Variants in KDM4C observed in about 807,000 individuals in gnomAD.
KDM4C encodes the protein lysine-specific demethylase 4C.
KDM4C carries 81 observed loss-of-function variants against 129.3 expected under a neutral mutation model. The observed-to-expected ratio is 0.63, with a 90% CI of 0.52 to 0.75. The LOEUF (loss-of-function observed/expected upper bound fraction) is 0.75. Ranked by LOEUF, KDM4C falls within the 30% of genes least tolerant of loss-of-function variation. KDM4C has a pLI of 0.00. For missense variants in KDM4C, 1,457 were observed against 1,304.0 expected, an observed-to-expected ratio of 1.12 and a Z score of -1.81; for synonymous variants, 573 against 456.1, an observed-to-expected ratio of 1.26 and a Z score of -3.26.
chr9:6,929,787 A>G (rs1228678400), intron 8 of KDM4C, among the ~76,000 whole-genome samples: 1 of 152,178 alleles, frequency 6.6e-6, no homozygotes, highest in East Asian at 1.9e-4. Flanking sequence ...AAAATAGAAT[A>G]TTAAAAAGTT....
chr9:7,088,409 A>AT (rs1377658656), intron 17 of KDM4C, among the ~76,000 whole-genome samples: 2 of 152,140 alleles, frequency 1.3e-5, no homozygotes, highest in Non-Finnish European at 2.9e-5. Flanking sequence ...TCTTTATTAC[A>AT]TTTTTCTATA....
At chr9:6,957,888 T>G (rs2131573901) in intron 8 of KDM4C, among the ~76,000 whole-genome samples, 2 of 152,110 alleles carry the variant, frequency 1.3e-5, no homozygotes, top group South Asian at 4.2e-4. Context: ...ACAATTCGAG[T>G]ACATATATTT....
At chr9:6,815,209 A>G (rs1831863419) in intron 4 of KDM4C, 1 of 152,012 alleles carries the variant, frequency 6.6e-6, no homozygotes, top group Non-Finnish European at 1.5e-5. Flanking sequence ...TATTTTTAAA[A>G]AGTACATGTT....
At chr9:7,106,964 C>A (rs1260757867) in intron 18 of KDM4C, among the ~76,000 whole-genome samples, 1 of 151,966 alleles carries the variant, frequency 6.6e-6, no homozygotes. Flanking sequence ...GGTAAAACTT[C>A]CTAAAGATGG....
At chr9:6,800,743 C>T (rs1828792389) in intron 2 of KDM4C, among the ~76,000 whole-genome samples, 1 of 152,100 alleles carries the variant, frequency 6.6e-6, no homozygotes, top group South Asian at 2.1e-4. Context: ...CGCCCCACCT[C>T]AGCCTCCCGA....
chr9:7,151,169 A>G (rs1842692781), intron 19 of KDM4C, among the ~76,000 whole-genome samples: 1 of 152,118 alleles, frequency 6.6e-6, no homozygotes, highest in Non-Finnish European at 1.5e-5. Context: ...ACCACAAAAA[A>G]CTAGATGGCC....
At chr9:7,067,708 C>T (rs141467123) in intron 17 of KDM4C, among the ~76,000 whole-genome samples, 2 of 152,122 alleles carry the variant, frequency 1.3e-5, no homozygotes, top group Non-Finnish European at 2.9e-5. Flanking sequence ...TTTTTAAAAA[C>T]CGAAGTGTAT....
chr9:6,939,791 A>G (rs1272306038), intron 8 of KDM4C, among the ~76,000 whole-genome samples: 4 of 152,248 alleles, frequency 2.6e-5, no homozygotes, highest in Non-Finnish European at 5.9e-5. Flanking sequence ...GTGGGTGGTC[A>G]GCAAGTGATT....
At position 6,849,517 on chromosome 9, in the gene KDM4C, A is replaced by G. The variant is rs1253701464; in HGVS notation, c.446A>G (p.Glu149Gly). 1 of 1,573,504 alleles carries G rather than the reference A, an allele frequency of 6.4e-7. No individual in the cohort carries two copies. The highest frequency in any genetic ancestry group is 8.7e-7 in the Non-Finnish European group (1 of 1,152,778). The change falls in exon 5 of 22, where the codon GAA (glutamate) becomes GGA (glycine). Residue 149 changes from glutamate to glycine, a missense_variant. By Grantham distance (98) the Glu-to-Gly change is moderately conservative. Coordinates refer to ENST00000381309, the MANE Select transcript of KDM4C (RefSeq NM_015061.6). ...TCTCTCTCATTCCAGGGTGTGGATG[A>G]ATGGAACATAGCTCGCCTCAATACA... ...NGSIYDEGVD[E>G]WNIARLNTVL... is the part of the protein sequence containing the mutation.
intron 19 of KDM4C, among the ~76,000 whole-genome samples, chr9:7,138,891 T>G (rs139796699): frequency 4.0e-3 from 610 of 152,320 alleles, no homozygotes; most frequent in African/African-American, 0.013. Context: ...GAAGGGGTAG[T>G]TAAATTATGC....
chr9:7,018,902 CTA>C (rs1824163158), intron 15 of KDM4C, among the ~76,000 whole-genome samples: 1 of 152,182 alleles, frequency 6.6e-6, no homozygotes, highest in Non-Finnish European at 1.5e-5. Flanking sequence ...AATATTGAAA[CTA>C]TGTAAATCTC....
Position 7,174,851 on chromosome 9 carries a change from G to A in KDM4C, c.*122G>A. On this transcript the variant is annotated 3_prime_UTR_variant, in exon 22 of 22. Transcript: ENST00000381309. ...GGTGACAGGGTGTGTCTCTGACAGT[G>A]GTAAATCGGGTTTCCAGAGTTTGGT... 2.6e-6 allele frequency: 2 copies of A among 762,342 alleles called. No individual in the cohort carries two copies. Among genetic ancestry groups the A allele is most frequent in the Non-Finnish European group, 4.2e-6 (2 of 473,780 alleles). The allele number at this position is 762,342 out of a possible 1,614,324, so 47.2% of individuals were successfully genotyped here.
At chr9:6,870,595 GTTC>G (rs1234802335) in intron 5 of KDM4C, among the ~76,000 whole-genome samples, 3 of 152,016 alleles carry the variant, frequency 2.0e-5, no homozygotes, top group East Asian at 1.9e-4. Flanking sequence ...TTATTGGTCA[GTTC>G]TTCTTTTTCA....
intron 8 of KDM4C, among the ~76,000 whole-genome samples, chr9:6,912,348 C>G (rs1265013997): frequency 6.6e-6 from 1 of 152,160 alleles, no homozygotes; most frequent in Non-Finnish European, 1.5e-5. Context: ...AAAGTACTGT[C>G]TCCTAGGGTT....
intron 6 of KDM4C, among the ~76,000 whole-genome samples, chr9:6,886,314 C>T (rs1845248210): frequency 2.0e-5 from 3 of 151,188 alleles, no homozygotes; most frequent in South Asian, 2.1e-4. Flanking sequence ...AACTTCCTTC[C>T]TTCCTATCTT....
chr9:6,974,558 A>G (rs1441280622), intron 8 of KDM4C, among the ~76,000 whole-genome samples: 1 of 152,130 alleles, frequency 6.6e-6, no homozygotes, highest in East Asian at 1.9e-4. Context: ...GAGTTTCACC[A>G]TGATGGCCAG....
rs536342511 is a variant in KDM4C at position 6,776,446 on chromosome 9, A to G, written c.-17-16526A>G. On this transcript the variant is annotated intron_variant, in intron 1 of 21. Coordinates refer to ENST00000381309, the MANE Select transcript of KDM4C (RefSeq NM_015061.6). Reference sequence around the variant, plus strand: ...CCAGCTAATTTTTTGTATTTTTAGTAGAGACAGAGTTTCCACCATGTTGGC... The same window carrying G: ...CCAGCTAATTTTTTGTATTTTTAGTGGAGACAGAGTTTCCACCATGTTGGC... Among the ~76,000 whole-genome samples the G allele has an allele frequency of 1.3e-3, 202 of 151,918 alleles. 1 individual carries two copies. In the Middle Eastern group the frequency reaches 0.024, roughly 18 times the overall value.
At position 6,789,194 on chromosome 9, in the gene KDM4C, G is replaced by T. The variant is rs75272706; in HGVS notation, c.-17-3778G>T. Among the ~76,000 whole-genome samples, 18 of 151,016 alleles carry T rather than the reference G, an allele frequency of 1.2e-4. No individual in the cohort carries two copies. In the East Asian group the frequency reaches 3.1e-3, roughly 26 times the overall value. ...CAGCCTCCGAGTAGCTGGGACTATA[G>T]GCGCTCACCATCACGCCTGGCTAAT... On this transcript the variant is annotated intron_variant, in intron 1 of 21. Coordinates refer to ENST00000381309, the MANE Select transcript of KDM4C (RefSeq NM_015061.6).
At chr9:6,726,840 A>G (rs1304990772) in intron 1 of KDM4C, 1 of 152,138 alleles carries the variant, frequency 6.6e-6, no homozygotes, top group African/African-American at 2.4e-5. Flanking sequence ...GGTTCAAGCA[A>G]TTCTCCTCCT....
Sources: gnomAD v4.1 joint callset for allele counts (sites outside exome capture counted in the v4.1 genomes callset) on GRCh38, gnomAD v4.1.1 for gene constraint, MANE v1.5 for transcripts, NCBI Gene and HGNC (gene_info 2026-07-23, HGNC 2026-07-21) for gene names.